MALRD1: variants seen among roughly 807,000 people sequenced by gnomAD.
MALRD1 encodes MAM and LDL receptor class A domain containing 1, also known as MAM and LDL-receptor class A domain-containing protein 1.
Under a neutral mutation model 242.1 loss-of-function variants are expected in MALRD1, and 247 were observed. The observed-to-expected ratio is 1.02, with a 90% CI of 0.92 to 1.13. MALRD1 has a LOEUF of 1.13. Ranked by LOEUF, MALRD1 falls within the 50% of genes most tolerant of loss-of-function variation. The probability of loss-of-function intolerance (pLI) is 0.00; values close to 1 mark genes in which losing one functional copy is unlikely to be tolerated. For synonymous variants in MALRD1, 995 were observed against 866.6 expected (o/e 1.15, Z -2.60); for missense variants, 2,989 against 2,533.1 (o/e 1.18, Z -3.86).
At chr10:19,451,296 C>A (rs1253133827) in intron 29 of MALRD1, among the ~76,000 whole-genome samples, 1 of 151,680 alleles carries the variant, frequency 6.6e-6, no homozygotes, top group African/African-American at 2.4e-5. Context: ...AGAAATTGAG[C>A]TGAGAGCTGT....
intron 32 of MALRD1, among the ~76,000 whole-genome samples, chr10:19,537,553 T>C (rs946513853): frequency 6.6e-6 from 1 of 152,146 alleles, no homozygotes; most frequent in African/African-American, 2.4e-5. Flanking sequence ...TGGCTTCTTG[T>C]ATTCAAACAT....
At chr10:19,650,819 G>T (rs1021680498) in intron 36 of MALRD1, among the ~76,000 whole-genome samples, 1 of 152,176 alleles carries the variant, frequency 6.6e-6, no homozygotes, top group Non-Finnish European at 1.5e-5. Context: ...TCTCCGAGCT[G>T]CCTCCTTTGT....
chr10:19,582,231 A>T (rs1589264705), intron 33 of MALRD1, among the ~76,000 whole-genome samples: 1 of 151,774 alleles, frequency 6.6e-6, no homozygotes, highest in Non-Finnish European at 1.5e-5. Context: ...GTTTAATTAG[A>T]TCCCATTTGC....
At chr10:19,727,190 T>C (rs761097893) in intron 38 of MALRD1, among the ~76,000 whole-genome samples, 5 of 152,208 alleles carry the variant, frequency 3.3e-5, no homozygotes, top group African/African-American at 4.8e-5. Context: ...TTGTATGGCA[T>C]GTGATTTATA....
intron 21 of MALRD1, among the ~76,000 whole-genome samples, chr10:19,287,364 A>T (rs556100651): frequency 6.6e-6 from 1 of 151,658 alleles, no homozygotes; most frequent in Non-Finnish European, 1.5e-5. Context: ...TAAAACCTCT[A>T]TTTCTCTCCC....
At chr10:19,731,362 C>T (rs920436450) in intron 39 of MALRD1, among the ~76,000 whole-genome samples, 5 of 151,942 alleles carry the variant, frequency 3.3e-5, no homozygotes, top group African/African-American at 9.7e-5. Flanking sequence ...TATTTTAAGT[C>T]ATTTTTAGGT....
chr10:19,308,317 G>A (rs111857832), intron 21 of MALRD1, among the ~76,000 whole-genome samples: 22 of 151,252 alleles, frequency 1.5e-4, no homozygotes, highest in South Asian at 8.3e-4. Context: ...CATTTATCAC[G>A]GCTTTGCATT....
At chr10:19,139,377 G>T (rs1564417550) in intron 10 of MALRD1, among the ~76,000 whole-genome samples, 2 of 152,076 alleles carry the variant, frequency 1.3e-5, no homozygotes, top group East Asian at 1.9e-4. Flanking sequence ...GTAATATCAA[G>T]TTTTTTTCAT....
intron 26 of MALRD1, among the ~76,000 whole-genome samples, chr10:19,383,665 A>G (rs1367053719): frequency 2.0e-5 from 3 of 152,086 alleles, no homozygotes; most frequent in African/African-American, 7.2e-5. Flanking sequence ...GTAACTCTGA[A>G]AGGTAGACAA....
At chr10:19,537,655 A>C (rs2131367671) in intron 32 of MALRD1, among the ~76,000 whole-genome samples, 1 of 152,172 alleles carries the variant, frequency 6.6e-6, no homozygotes, top group African/African-American at 2.4e-5. Flanking sequence ...AACTTATTTT[A>C]TTTTTCCAAA....
At chr10:19,674,854 T>C (rs991943057) in intron 36 of MALRD1, among the ~76,000 whole-genome samples, 1 of 151,852 alleles carries the variant, frequency 6.6e-6, no homozygotes, top group African/African-American at 2.4e-5. Context: ...CTCTATTTCT[T>C]CTTCCTTTTT....
rs569496054 is a variant in MALRD1, at chr10:19,636,737, A to G, written c.6137+20814A>G. ...AACATGGTGAAACCCCGTCTCTACT[A>G]AAAATACAAAACTTAGCCAGGCGCG... On this transcript the variant is annotated intron_variant, in intron 36 of 39. Coordinates refer to ENST00000454679, the MANE Select transcript of MALRD1 (RefSeq NM_001142308.3). 2.2e-4 allele frequency among the ~76,000 whole-genome samples: 33 copies of G among 152,084 alleles called. No individual in the cohort carries two copies. In the South Asian group the frequency reaches 5.8e-3, roughly 27 times the overall value.
At chr10:19,579,227 A>C (rs570562369) in intron 33 of MALRD1, among the ~76,000 whole-genome samples, 1 of 152,246 alleles carries the variant, frequency 6.6e-6, no homozygotes, top group South Asian at 2.1e-4. Context: ...TTGCACCTGG[A>C]AGGTCTCTAA....
chr10:19,393,191 C>T (rs988807669), intron 28 of MALRD1, among the ~76,000 whole-genome samples: 139 of 152,114 alleles, frequency 9.1e-4, no homozygotes, highest in Non-Finnish European at 9.0e-4. Flanking sequence ...TATAATAGTT[C>T]ATTTTTAAAA....
intron 2 of MALRD1, among the ~76,000 whole-genome samples, chr10:19,084,410 A>G (rs1278964475): frequency 1.3e-5 from 2 of 150,976 alleles, no homozygotes; most frequent in Non-Finnish European, 3.0e-5. Flanking sequence ...ATCCATTCCT[A>G]CAGCCTGATT....
At chr10:19,530,406 TATTTATATAATA>T (rs1834329621) in intron 31 of MALRD1, among the ~76,000 whole-genome samples, 2 of 39,814 alleles carry the variant, frequency 5.0e-5, no homozygotes, top group Non-Finnish European at 9.5e-5. Flanking sequence ...AAATATTATA[TATTTATATAATA>T]ATAAATATAT....
chr10:19,169,708 A>G lies in MALRD1; in HGVS notation c.1830+3898A>G, dbSNP rs568936453. Among the ~76,000 whole-genome samples, 51 of 152,338 alleles carry G rather than the reference A, an allele frequency of 3.3e-4. No homozygotes were observed. In the South Asian group the frequency reaches 0.011, roughly 32 times the overall value. The stretch of plus-strand genomic sequence containing the variant: ...AGGTACAGTTCTACTTTGTTCTTTT[A>G]TCGACAACAAATGAAAAAGATATTC... On this transcript the variant is annotated intron_variant, in intron 13 of 39. Transcript: ENST00000454679.
At chr10:19,508,087 G>A (rs994590864) in intron 31 of MALRD1, among the ~76,000 whole-genome samples, 1 of 150,364 alleles carries the variant, frequency 6.7e-6, no homozygotes, top group Non-Finnish European at 1.5e-5. Flanking sequence ...AAGTGCTATA[G>A]GAAAAAAAGG....
intron 9 of MALRD1, among the ~76,000 whole-genome samples, chr10:19,134,790 T>G (rs1236640419): frequency 6.6e-6 from 1 of 152,158 alleles, no homozygotes; most frequent in African/African-American, 2.4e-5. Context: ...TAAAACAAAG[T>G]AAAATGTAAA....
Sources: gnomAD v4.1 joint callset for allele counts (sites outside exome capture counted in the v4.1 genomes callset) on GRCh38, gnomAD v4.1.1 for gene constraint, MANE v1.5 for transcripts, NCBI Gene and HGNC (gene_info 2026-07-23, HGNC 2026-07-21) for gene names.